Variants in TMPRSS15 observed in about 807,000 individuals in gnomAD.
TMPRSS15 encodes the protein enteropeptidase.
Under a neutral mutation model 125.3 loss-of-function variants are expected in TMPRSS15, and 128 were observed. The observed-to-expected ratio is 1.02, with a 90% CI of 0.89 to 1.18. The LOEUF (loss-of-function observed/expected upper bound fraction) is 1.18, where lower values mean the gene tolerates loss of function less well. Ranked by LOEUF, TMPRSS15 falls within the 50% of genes most tolerant of loss-of-function variation. The pLI, the probability that TMPRSS15 is intolerant of heterozygous loss-of-function variation, is 0.00. For synonymous variants in TMPRSS15, 446 were observed against 423.2 expected, an observed-to-expected ratio of 1.05 and a Z score of -0.66; for missense variants, 1,283 against 1,212.7, an observed-to-expected ratio of 1.06 and a Z score of -0.86.
At chr21:18,438,147 TA>T (rs1237544703) in intron 1 of TMPRSS15, among the ~76,000 whole-genome samples, 1 of 150,440 alleles carries the variant, frequency 6.6e-6, no homozygotes, top group East Asian at 2.0e-4. Context: ...TATGCAGCCA[TA>T]AAAAATGATG....
chr21:18,397,258 C>G (rs186202642), intron 3 of TMPRSS15, among the ~76,000 whole-genome samples: 201 of 152,232 alleles, frequency 1.3e-3, no homozygotes, highest in Non-Finnish European at 2.3e-3. Flanking sequence ...CATGATACAA[C>G]AGCAACAACA....
intron 8 of TMPRSS15, among the ~76,000 whole-genome samples, chr21:18,359,516 T>A (rs1337396322): frequency 7.3e-5 from 11 of 151,504 alleles, no homozygotes; most frequent in Non-Finnish European, 1.6e-4. Flanking sequence ...TTTGACAAAT[T>A]TCACATAATT....
intron 1 of TMPRSS15, among the ~76,000 whole-genome samples, chr21:18,447,803 C>T (rs928786577): frequency 1.1e-4 from 17 of 152,164 alleles, no homozygotes; most frequent in African/African-American, 3.9e-4. Context: ...AGTGTGAGTT[C>T]GTTAAGCCTC....
At chr21:18,323,313 A>T (rs2075257874) in intron 16 of TMPRSS15, among the ~76,000 whole-genome samples, 2 of 152,234 alleles carry the variant, frequency 1.3e-5, no homozygotes, top group Non-Finnish European at 2.9e-5. Context: ...GCTGTTCCAC[A>T]GGGCTGGGAG....
At chr21:18,420,981 G>A (rs1210914820) in intron 1 of TMPRSS15, among the ~76,000 whole-genome samples, 1 of 152,180 alleles carries the variant, frequency 6.6e-6, no homozygotes, top group Admixed American at 6.5e-5. Context: ...ATAAGGATGT[G>A]CATTTTAAGA....
chr21:18,374,248 T>C (rs1001386800), intron 5 of TMPRSS15, among the ~76,000 whole-genome samples: 5 of 145,454 alleles, frequency 3.4e-5, no homozygotes, highest in Non-Finnish European at 7.6e-5. Context: ...CCGAGGCGGG[T>C]GGATCATGAG....
At chr21:18,275,527 T>C (rs141482463) in intron 23 of TMPRSS15, among the ~76,000 whole-genome samples, 191 bp from the exon 24 acceptor site, 12 of 152,280 alleles carry the variant, frequency 7.9e-5, no homozygotes, top group African/African-American at 2.6e-4. Context: ...TTGTGCCAAA[T>C]GGATAACAGG....
chr21:18,287,124 C>T (rs2074774272), intron 21 of TMPRSS15, among the ~76,000 whole-genome samples: 1 of 152,146 alleles, frequency 6.6e-6, no homozygotes, highest in African/African-American at 2.4e-5. Flanking sequence ...GTTTTTCAGC[C>T]TTAACATGTC....
intron 3 of TMPRSS15, 25 bp from the exon 4 acceptor site, chr21:18,383,803 A>AG (rs778066021): frequency 3.7e-6 from 6 of 1,609,270 alleles, no homozygotes; most frequent in Non-Finnish European, 5.1e-6. Flanking sequence ...AGGATATAAG[A>AG]GGAAAAAGTC....
At chr21:18,406,828 A>G (rs1172226914), upstream of TMPRSS15, among the ~76,000 whole-genome samples, 1 of 152,172 alleles carries the variant, frequency 6.6e-6, no homozygotes, top group Non-Finnish European at 1.5e-5. Context: ...GATAACATTC[A>G]TTATAATACA....
chr21:18,392,996 TG>T (rs1055571430), intron 3 of TMPRSS15, among the ~76,000 whole-genome samples: 2 of 151,992 alleles, frequency 1.3e-5, no homozygotes, highest in Non-Finnish European at 2.9e-5. Flanking sequence ...GAGATTTGAG[TG>T]GGGACACAGA....
chr21:18,376,681 G>A (rs150983556), intron 5 of TMPRSS15, among the ~76,000 whole-genome samples: 82 of 152,224 alleles, frequency 5.4e-4, no homozygotes, highest in South Asian at 1.7e-3. Flanking sequence ...CCTCAAACAC[G>A]GGAGCAATTG....
intron 23 of TMPRSS15, among the ~76,000 whole-genome samples, chr21:18,277,389 G>C (rs1464791073): frequency 6.6e-6 from 1 of 152,132 alleles, no homozygotes; most frequent in African/African-American, 2.4e-5. Flanking sequence ...TGTTTTTGAA[G>C]AGCCTACACT....
chr21:18,382,459 T>A (rs1008295848), intron 4 of TMPRSS15, among the ~76,000 whole-genome samples: 16 of 152,144 alleles, frequency 1.1e-4, no homozygotes, highest in Admixed American at 5.9e-4. Context: ...AAGAGGAAAC[T>A]ATGCTTGATG....
chr21:18,312,177 G>A (rs530935459), intron 18 of TMPRSS15, among the ~76,000 whole-genome samples: 12 of 152,036 alleles, frequency 7.9e-5, no homozygotes, highest in African/African-American at 2.7e-4. Flanking sequence ...AGAGTTGCCA[G>A]GTTGTAAAAT....
intron 1 of TMPRSS15, among the ~76,000 whole-genome samples, chr21:18,485,364 G>T (rs1979059590): frequency 6.6e-6 from 1 of 151,806 alleles, no homozygotes; most frequent in African/African-American, 2.4e-5. Flanking sequence ...AAAAGACGAG[G>T]TGATAGTAAA....
At chr21:18,398,554 C>T (rs9975718) in intron 1 of TMPRSS15, among the ~76,000 whole-genome samples, 149,495 of 152,206 alleles carry the variant, frequency 0.98, 73,458 homozygotes, top group Middle Eastern at 1. Context: ...ATTCTTTCAA[C>T]ATTTTTTTTC....
At chr21:18,286,388 A>G (rs550815226) in intron 21 of TMPRSS15, among the ~76,000 whole-genome samples, 9 of 152,178 alleles carry the variant, frequency 5.9e-5, no homozygotes, top group Non-Finnish European at 8.8e-5. Context: ...TACAGTCTAG[A>G]TTTGTATGTC....
In TMPRSS15 at chr21:18,359,783, C is replaced by A; in HGVS notation, c.854G>T (p.Gly285Val). 1 of 1,459,418 alleles carries A rather than the reference C, an allele frequency of 6.9e-7. No individual in the cohort carries two copies. The highest frequency in any genetic ancestry group is 9.6e-7 in the Non-Finnish European group (1 of 1,042,328). 90.4% of individuals were successfully genotyped at this position (1,459,418 alleles called of 1,614,324 possible). The change falls in exon 8 of 25, where the codon GGT (glycine) becomes GTT (valine). Residue 285 changes from glycine to valine, a missense_variant. Coordinates refer to ENST00000284885, the MANE Select transcript of TMPRSS15 (RefSeq NM_002772.3). ...YYTDILDIYE[G>V]VGSSKILRAS... Reference sequence around the variant, plus strand: ...TCTTAAAATCTTGCTTGATCCTACACCTTCATAAATATCTAATATATCTGT... The same window carrying A: ...TCTTAAAATCTTGCTTGATCCTACAACTTCATAAATATCTAATATATCTGT...
Sources: gnomAD v4.1 joint callset for allele counts (sites outside exome capture counted in the v4.1 genomes callset) on GRCh38, gnomAD v4.1.1 for gene constraint, MANE v1.5 for transcripts, NCBI Gene and HGNC (gene_info 2026-07-23, HGNC 2026-07-21) for gene names.